The following SNN variants were observed in gnomAD, a reference collection of about 807,000 sequenced individuals.
SNN encodes the protein AG8_1.
SNN carries 5 observed loss-of-function variants against 5.3 expected under a neutral mutation model. That is an observed-to-expected ratio of 0.94 (90% CI 0.49 to 1.97). SNN has a LOEUF of 1.97. Ranked by LOEUF, SNN falls within the 30% of genes most tolerant of loss-of-function variation. The pLI is 0.01. For synonymous variants in SNN, 67 were observed against 52.1 expected (o/e 1.29, Z -1.24); for missense variants, 127 against 121.6 (o/e 1.04, Z -0.21).
rs908819443 is a variant in SNN, at chr16:11,672,288, T to C, written c.-85-3687T>C. ...GAGACAGCAGCCAGGGGACAGCCCC[T>C]GAGCCTAGAGAAGGGCAGGTAGCAA... is the stretch of plus-strand genomic sequence containing the variant. On this transcript the variant is annotated intron_variant, in intron 1 of 1. Transcript: ENST00000329565. This position sits in a 1 kb window ranked among gnomAD's most constrained non-coding sequence, Gnocchi z 6.0. Among the ~76,000 whole-genome samples, 2 of 152,140 alleles carry C rather than the reference T, an allele frequency of 1.3e-5. No homozygotes were observed. Among genetic ancestry groups the C allele is most frequent in the African/African-American group, 4.8e-5 (2 of 41,408 alleles).
intron 1 of SNN, among the ~76,000 whole-genome samples, chr16:11,675,258 CTTT>C (rs769141223): frequency 7.2e-5 from 9 of 125,314 alleles, no homozygotes; most frequent in African/African-American, 2.7e-4. Flanking sequence ...TTTTTTTTTT[CTTT>C]TTTTTTTTTT....
intron 1 of SNN, among the ~76,000 whole-genome samples, chr16:11,673,090 A>T (rs574147708): frequency 1.1e-3 from 162 of 151,732 alleles, no homozygotes; most frequent in African/African-American, 3.8e-3. Flanking sequence ...GGGGAGAGGG[A>T]GGTGGGAGGT....
rs773236199 is a variant in SNN at position 11,678,982 on chromosome 16, C to T, written c.*2656C>T. 55 of 570,532 alleles carry T rather than the reference C, an allele frequency of 9.6e-5. No homozygotes were observed. The highest frequency in any genetic ancestry group is 1.6e-4 in the Non-Finnish European group (53 of 324,844). 35.3% of individuals were successfully genotyped at this position (570,532 alleles called of 1,614,324 possible). On this transcript the variant is annotated 3_prime_UTR_variant, in exon 2 of 2. Coordinates refer to ENST00000329565, the MANE Select transcript of SNN (RefSeq NM_003498.6). ...CTAATTTTTTGGACAAATCTTCAAA[C>T]GGACTGTGCTACTGTATTTGTCTCA...
In SNN at chr16:11,672,409, C is replaced by T. The variant is rs1270442663; in HGVS notation, c.-85-3566C>T. Reference sequence around the variant, plus strand: ...GTCTGGGAGGGCAGCCTGCAAGAGGCGCCTTCTGAGAAAGTCCCGAATAGG... The same window carrying T: ...GTCTGGGAGGGCAGCCTGCAAGAGGTGCCTTCTGAGAAAGTCCCGAATAGG... On this transcript the variant is annotated intron_variant, in intron 1 of 1. Coordinates refer to ENST00000329565, the MANE Select transcript of SNN (RefSeq NM_003498.6). The surrounding 1 kb of genome is among the most constrained non-coding windows in gnomAD (Gnocchi z 6.0). Among the ~76,000 whole-genome samples the T allele has an allele frequency of 3.9e-5, 6 of 152,024 alleles. No individual in the cohort carries two copies. Among genetic ancestry groups the T allele is most frequent in the Non-Finnish European group, 7.4e-5 (5 of 67,990 alleles).
Position 11,676,215 on chromosome 16 carries a change from G to C in SNN, c.156G>C (p.Gly52=), listed in dbSNP as rs1300297086. The change falls in exon 2 of 2, where the codon GGG becomes GGC. Residue 52 remains glycine (G), a synonymous_variant. Coordinates refer to ENST00000329565, the MANE Select transcript of SNN (RefSeq NM_003498.6). The part of the protein sequence containing the change: ...SQSEDEESIV[G]DGETKEPFLL... Reference sequence around the variant, plus strand: ...CAGAGGACGAGGAGAGCATCGTGGGGGATGGGGAGACCAAGGAACCCTTCC... The same window carrying C: ...CAGAGGACGAGGAGAGCATCGTGGGCGATGGGGAGACCAAGGAACCCTTCC... 6.2e-7 allele frequency: 1 copy of C among 1,614,218 alleles called. No homozygotes were observed. The highest frequency in any genetic ancestry group is 2.2e-5 in the East Asian group (1 of 44,882).
intron 1 of SNN, among the ~76,000 whole-genome samples, chr16:11,675,159 C>T (rs992808603): frequency 6.6e-6 from 1 of 152,284 alleles, no homozygotes; most frequent in East Asian, 1.9e-4. Flanking sequence ...GTCCAGTACA[C>T]CCTCTCACAG....
intron 1 of SNN, among the ~76,000 whole-genome samples, chr16:11,670,071 C>T (rs1232289821): frequency 6.6e-6 from 1 of 152,218 alleles, no homozygotes; most frequent in African/African-American, 2.4e-5. Context: ...GCAGAACGGA[C>T]GTCCCGCCTC....
intron 1 of SNN, among the ~76,000 whole-genome samples, chr16:11,673,408 A>G (rs757760246): frequency 1.4e-4 from 22 of 152,198 alleles, no homozygotes; most frequent in Non-Finnish European, 2.2e-4. Flanking sequence ...TTGCATGCCA[A>G]GGCCACTGCT....
In SNN at chr16:11,677,320, G is replaced by C. The variant is rs1008152864; in HGVS notation, c.*994G>C. ...CACTGGAGGGGAGGGGACTGTTGAGGTTCTGTCTTTTTTCTTCTTTTCCTC... is the reference window on the plus strand; with the variant it reads ...CACTGGAGGGGAGGGGACTGTTGAGCTTCTGTCTTTTTTCTTCTTTTCCTC... On this transcript the variant is annotated 3_prime_UTR_variant, in exon 2 of 2. Transcript: ENST00000329565. This position sits in a 1 kb window ranked among gnomAD's most constrained non-coding sequence, Gnocchi z 4.2. The C allele has an allele frequency of 6.0e-6, 1 of 167,292 alleles. No homozygotes were observed. The highest frequency in any genetic ancestry group is 1.5e-5 in the Non-Finnish European group (1 of 68,278). The allele number at this position is 167,292 out of a possible 1,614,324, so 10.4% of individuals were successfully genotyped here. A position where few individuals can be genotyped will look rare whatever the true frequency, so the allele number is the denominator to read the frequency against.
At chr16:11,675,827 T>C in intron 1 of SNN, 148 bp from the exon 2 acceptor site, 1 of 487,346 alleles carries the variant, frequency 2.1e-6, no homozygotes, top group African/African-American at 1.9e-5. Context: ...GAACAGGAGC[T>C]GGGTGAGCGT....
intron 1 of SNN, among the ~76,000 whole-genome samples, chr16:11,669,896 T>G (rs2050256599): frequency 6.6e-6 from 1 of 150,522 alleles, no homozygotes. Flanking sequence ...AGGATGGGGG[T>G]GTCATGGGTG....
At position 11,671,333 on chromosome 16, in the gene SNN, A is replaced by T. The variant is rs573932688; in HGVS notation, c.-86+2793A>T. 3.3e-5 allele frequency among the ~76,000 whole-genome samples: 5 copies of T among 152,156 alleles called. No homozygotes were observed. The East Asian group carries it at 9.7e-4, about 29-fold the overall frequency. Reference sequence around the variant, plus strand: ...GAGGGTGTGTGTTTGGGGGATCCAGATGGCCTTGGGCTTCAAATGCCAGGC... The same window carrying T: ...GAGGGTGTGTGTTTGGGGGATCCAGTTGGCCTTGGGCTTCAAATGCCAGGC... On this transcript the variant is annotated intron_variant, in intron 1 of 1. Coordinates refer to ENST00000329565, the MANE Select transcript of SNN (RefSeq NM_003498.6). This position sits in a 1 kb window ranked among gnomAD's most constrained non-coding sequence, Gnocchi z 4.7.
Position 11,676,742 on chromosome 16 carries a change from C to T in SNN, c.*416C>T. 5.1e-6 allele frequency: 1 copy of T among 194,312 alleles called. No homozygotes were observed. Among genetic ancestry groups the T allele is most frequent in the Middle Eastern group, 2.7e-3 (1 of 376 alleles). 12.0% of individuals were successfully genotyped at this position (194,312 alleles called of 1,614,324 possible). On this transcript the variant is annotated 3_prime_UTR_variant, in exon 2 of 2. Coordinates refer to ENST00000329565, the MANE Select transcript of SNN (RefSeq NM_003498.6). ...ATCTAGCGCACACGGGACTGGTATT[C>T]TGGCTGTACTAATGACAAGCTGAGT...
rs1203660680 is a variant in SNN, at chr16:11,676,054, C to T, written c.-6C>T. On this transcript the variant is annotated 5_prime_UTR_variant, in exon 2 of 2. Coordinates refer to ENST00000329565, the MANE Select transcript of SNN (RefSeq NM_003498.6). ...CTGCCAGCCGAGGAAGCCCCCAGCA[C>T]TGACCATGTCTATTATGGACCACAG... 6.3e-7 allele frequency: 1 copy of T among 1,589,878 alleles called. No individual in the cohort carries two copies. Among genetic ancestry groups the T allele is most frequent in the Non-Finnish European group, 8.6e-7 (1 of 1,164,668 alleles).
Position 11,678,888 on chromosome 16 carries a change from G to A in SNN, c.*2562G>A, listed in dbSNP as rs572417689. 2 of 314,464 alleles carry A rather than the reference G, an allele frequency of 6.4e-6. No homozygotes were observed. Among genetic ancestry groups the A allele is most frequent in the Admixed American group, 4.9e-5 (1 of 20,558 alleles). The allele number at this position is 314,464 out of a possible 1,614,324, so 19.5% of individuals were successfully genotyped here. A position where few individuals can be genotyped will look rare whatever the true frequency, so the allele number is the denominator to read the frequency against. On this transcript the variant is annotated 3_prime_UTR_variant, in exon 2 of 2. Coordinates refer to ENST00000329565, the MANE Select transcript of SNN (RefSeq NM_003498.6). ...ATAAGAAATTAAGCATTCATCCTTC[G>A]TATCACTGCAGAAGCAACAGTGGGG...
chr16:11,672,475 G>A lies in SNN; in HGVS notation c.-85-3500G>A, dbSNP rs1487361109. 3.3e-5 allele frequency among the ~76,000 whole-genome samples: 5 copies of A among 152,184 alleles called. No individual in the cohort carries two copies. The highest frequency in any genetic ancestry group is 7.3e-5 in the Non-Finnish European group (5 of 68,030). On this transcript the variant is annotated intron_variant, in intron 1 of 1. Transcript: ENST00000329565. This position sits in a 1 kb window ranked among gnomAD's most constrained non-coding sequence, Gnocchi z 6.0. ...GGGCGGTCAGGGCAGAGGTGGGAGC[G>A]TGGGCTCGCAGCGGAGGGTGTGGGG...
At position 11,678,759 on chromosome 16, in the gene SNN, CT is replaced by C. The variant is rs35393498; in HGVS notation, c.*2440del. 5.5e-6 allele frequency: 1 copy of C among 182,042 alleles called. No individual in the cohort carries two copies. The highest frequency in any genetic ancestry group is 1.3e-4 in the South Asian group (1 of 7,416). 11.3% of individuals were successfully genotyped at this position (182,042 alleles called of 1,614,324 possible). A position where few individuals can be genotyped will look rare whatever the true frequency, so the allele number is the denominator to read the frequency against. On this transcript the variant is annotated 3_prime_UTR_variant, in exon 2 of 2. Transcript: ENST00000329565. Reference sequence around the variant, plus strand: ...GCTCTCACTGTTTTTTCAATAGCTACTTTTTTTAGCAGACACCAGAGCCACA... The same window carrying C: ...GCTCTCACTGTTTTTTCAATAGCTACTTTTTTAGCAGACACCAGAGCCACA...
chr16:11,671,737 C>A lies in SNN; in HGVS notation c.-86+3197C>A, dbSNP rs1230298106. Among the ~76,000 whole-genome samples, 1 of 152,186 alleles carries A rather than the reference C, an allele frequency of 6.6e-6. No individual in the cohort carries two copies. The highest frequency in any genetic ancestry group is 6.5e-5 in the Admixed American group (1 of 15,278). ...TACTGGATCAGGGCGAGGGGTTACC[C>A]AGCTTGCAAGACACAGCTTTGCTCA... On this transcript the variant is annotated intron_variant, in intron 1 of 1. Transcript: ENST00000329565. The surrounding 1 kb of genome is among the most constrained non-coding windows in gnomAD (Gnocchi z 4.7).
rs1014717141 is a variant in SNN at position 11,672,971 on chromosome 16, C to T, written c.-85-3004C>T. ...ACTTCCTGTCCCTGAACCACCCCCA[C>T]CCCCAAACACACACACTTCCCCTTC... On this transcript the variant is annotated intron_variant, in intron 1 of 1. Coordinates refer to ENST00000329565, the MANE Select transcript of SNN (RefSeq NM_003498.6). This position sits in a 1 kb window ranked among gnomAD's most constrained non-coding sequence, Gnocchi z 6.0. 2.0e-5 allele frequency among the ~76,000 whole-genome samples: 3 copies of T among 152,178 alleles called. No individual in the cohort carries two copies. The highest frequency in any genetic ancestry group is 4.8e-5 in the African/African-American group (2 of 41,438).
Sources: allele counts gnomAD v4.1 joint callset (sites outside exome capture counted in the v4.1 genomes callset), GRCh38; gene constraint gnomAD v4.1.1; non-coding constraint Gnocchi (gnomAD v3.1); transcripts MANE v1.5; gene names NCBI Gene and HGNC (gene_info 2026-07-23, HGNC 2026-07-21).